LRPPRC: variants seen among roughly 807,000 people sequenced by gnomAD.
The protein encoded by LRPPRC is leucine-rich PPR motif-containing protein, mitochondrial.
In LRPPRC, 120 loss-of-function variants were observed where a neutral mutation model predicts 180.3. The ratio of observed to expected loss-of-function variants is 0.67; its 90% CI spans 0.57 to 0.77. LRPPRC has a LOEUF of 0.77. Among genes scored for constraint, LRPPRC ranks in the 30% least tolerant of loss-of-function variants. The pLI, the probability that LRPPRC is intolerant of heterozygous loss-of-function variation, is 0.00. For synonymous variants in LRPPRC, 723 were observed against 600.0 expected (o/e 1.21, Z -3.00); for missense variants, 2,012 against 1,657.2 (o/e 1.21, Z -3.72).
intron 1 of LRPPRC, among the ~76,000 whole-genome samples, chr2:43,984,555 T>A (rs1446408879): frequency 6.6e-6 from 1 of 152,192 alleles, no homozygotes; most frequent in African/African-American, 2.4e-5. Flanking sequence ...TAAATTGGGA[T>A]AGAGGAAGGA....
Position 43,913,182 on chromosome 2 carries a change from C to A in LRPPRC, c.3149-624G>T, listed in dbSNP as rs1572909320. 2.6e-5 allele frequency among the ~76,000 whole-genome samples: 4 copies of A among 152,296 alleles called. No individual in the cohort carries two copies. In the South Asian group the frequency reaches 8.3e-4, roughly 32 times the overall value. ...AAGCAACATTTGTTTGACTGATTAA[C>A]AGTTTTATTTCACTTGTTCACAATA... On this transcript the variant is annotated intron_variant, in intron 29 of 37. Transcript: ENST00000260665.
At chr2:43,965,544 C>T (rs1363043752) in intron 11 of LRPPRC, among the ~76,000 whole-genome samples, 1 of 151,878 alleles carries the variant, frequency 6.6e-6, no homozygotes, top group East Asian at 1.9e-4. Context: ...AGCTTCTGCA[C>T]GGTAAAGGAA....
intron 12 of LRPPRC, among the ~76,000 whole-genome samples, chr2:43,962,766 T>C (rs17496638): frequency 0.078 from 11,841 of 152,226 alleles, 579 homozygotes; most frequent in South Asian, 0.15. Flanking sequence ...TATATACTAT[T>C]AGTGCATTTA....
intron 1 of LRPPRC, among the ~76,000 whole-genome samples, chr2:43,987,135 T>C (rs1222303933): frequency 6.6e-6 from 1 of 152,190 alleles, no homozygotes; most frequent in African/African-American, 2.4e-5. Flanking sequence ...ATTCTTTTTA[T>C]ATACTGCTGG....
At chr2:43,926,352 T>C (rs1242555566) in intron 25 of LRPPRC, among the ~76,000 whole-genome samples, 1 of 152,162 alleles carries the variant, frequency 6.6e-6, no homozygotes, top group Non-Finnish European at 1.5e-5. Flanking sequence ...AAACGTCAAA[T>C]AAAAAGTGTG....
At chr2:43,975,025 A>G (rs549104048) in intron 7 of LRPPRC, 66 bp downstream of exon 7, 1 of 1,520,950 alleles carries the variant, frequency 6.6e-7, no homozygotes, top group Non-Finnish European at 9.1e-7. Flanking sequence ...TTCCTGCCTC[A>G]TGTAAAACAT....
chr2:43,950,641 A>AT (rs1672863474), intron 14 of LRPPRC, 41 bp from the exon 15 acceptor site: 2 of 1,452,794 alleles, frequency 1.4e-6, no homozygotes, highest in East Asian at 4.5e-5. Context: ...ACCCAGGTTT[A>AT]TTTTCAAGTA....
At chr2:43,996,157 A>G (rs1026888964), upstream of LRPPRC, among the ~76,000 whole-genome samples, 1 of 152,100 alleles carries the variant, frequency 6.6e-6, no homozygotes, top group African/African-American at 2.4e-5. Context: ...ATGTTGCTTG[A>G]TTCATTATCG....
chr2:43,995,840 G>A lies in LRPPRC; in HGVS notation c.108C>T (p.Ala36=), dbSNP rs751637061. Residue 36 remains alanine, a synonymous_variant, in exon 1 of 38, where the codon GCC becomes GCT. Transcript: ENST00000260665. ...CGCGAGCGGCGGGCAGATAGGAGGC[G>A]GCATGCAGCCGGCCCGGGCCGCCAG... ...LLPGGPGRLH[A]ASYLPAARAG... is the part of the protein sequence containing the mutation. 8 of 1,451,862 alleles carry A rather than the reference G, an allele frequency of 5.5e-6. No homozygotes were observed. The highest frequency in any genetic ancestry group is 2.5e-4 in the Middle Eastern group (1 of 4,066). The allele number at this position is 1,451,862 out of a possible 1,614,324, so 89.9% of individuals were successfully genotyped here.
At chr2:43,988,220 G>C (rs1357964307) in intron 1 of LRPPRC, among the ~76,000 whole-genome samples, 1 of 127,096 alleles carries the variant, frequency 7.9e-6, no homozygotes, top group Non-Finnish European at 1.6e-5. Flanking sequence ...CAGCCTGGGA[G>C]ACAGAGACTC....
At chr2:43,894,486 G>A (rs1670610005) in intron 36 of LRPPRC, 59 bp downstream of exon 36, 1 of 846,354 alleles carries the variant, frequency 1.2e-6, no homozygotes, top group Admixed American at 1.7e-5. Context: ...ACATGATATA[G>A]TCACTTAAAT....
chr2:43,991,912 C>G (rs747283417), intron 1 of LRPPRC, among the ~76,000 whole-genome samples: 9 of 152,220 alleles, frequency 5.9e-5, no homozygotes, highest in Non-Finnish European at 1.2e-4. Flanking sequence ...TCAATCTCCT[C>G]CAGTTTACCA....
intron 11 of LRPPRC, among the ~76,000 whole-genome samples, chr2:43,967,603 G>T (rs1184880341): frequency 2.0e-5 from 3 of 151,614 alleles, no homozygotes; most frequent in African/African-American, 4.8e-5. Context: ...CTGAGGCAGG[G>T]GTATTGCTTG....
intron 36 of LRPPRC, among the ~76,000 whole-genome samples, chr2:43,894,304 A>G (rs1195626183): frequency 6.6e-6 from 1 of 152,194 alleles, no homozygotes; most frequent in Non-Finnish European, 1.5e-5. Context: ...TGCTCGGAAG[A>G]TGTTCAGTGA....
At chr2:43,929,512 T>G (rs1397458128) in intron 25 of LRPPRC, among the ~76,000 whole-genome samples, 3 of 152,158 alleles carry the variant, frequency 2.0e-5, no homozygotes, top group Admixed American at 6.5e-5. Context: ...ATGACATACC[T>G]TTTTCTTAAT....
At chr2:43,968,932 T>C (rs976989081) in intron 11 of LRPPRC, among the ~76,000 whole-genome samples, 8 of 152,226 alleles carry the variant, frequency 5.3e-5, no homozygotes, top group East Asian at 1.9e-4. Flanking sequence ...TGAAGGTTTA[T>C]GGTTGTTAAT....
chr2:43,982,844 A>G lies in LRPPRC; in HGVS notation c.150-410T>C, dbSNP rs192283271. ...AGACAAGAGATCTAAAATATATCCA[A>G]AATTTTTATAACTACCTTTAAGTTT... On this transcript the variant is annotated intron_variant, in intron 1 of 37. Transcript: ENST00000260665. 3.2e-3 allele frequency among the ~76,000 whole-genome samples: 490 copies of G among 152,258 alleles called. 8 individuals carry two copies. Among genetic ancestry groups the G allele is most frequent in the African/African-American group, 0.011 (467 of 41,568 alleles).
chr2:43,915,444 G>A (rs1436918219), intron 29 of LRPPRC, among the ~76,000 whole-genome samples: 3 of 152,156 alleles, frequency 2.0e-5, no homozygotes, highest in East Asian at 3.9e-4. Flanking sequence ...CAGCAACTTC[G>A]GGAGGCCAAG....
intron 35 of LRPPRC, among the ~76,000 whole-genome samples, chr2:43,895,867 T>TA (rs1670661019): frequency 6.6e-6 from 1 of 152,130 alleles, no homozygotes; most frequent in Non-Finnish European, 1.5e-5. Flanking sequence ...ATTTTATACT[T>TA]ACAGTTAAAC....
Sources: allele counts gnomAD v4.1 joint callset (sites outside exome capture counted in the v4.1 genomes callset), GRCh38; gene constraint gnomAD v4.1.1; transcripts MANE v1.5; gene names NCBI Gene and HGNC (gene_info 2026-07-23, HGNC 2026-07-21).